Variants in COL15A1 observed in about 807,000 individuals in gnomAD.
The protein encoded by COL15A1 is collagen type XV alpha 1 chain.
A neutral mutation model predicts 165.9 loss-of-function variants in COL15A1; 111 were observed. That is an observed-to-expected ratio of 0.67 (90% CI 0.57 to 0.78). The LOEUF (loss-of-function observed/expected upper bound fraction) is 0.78. Ranked by LOEUF, COL15A1 falls within the 30% of genes least tolerant of loss-of-function variation. The probability of loss-of-function intolerance (pLI) is 0.00; values close to 1 mark genes in which losing one functional copy is unlikely to be tolerated. For missense variants in COL15A1, 1,745 were observed against 1,789.7 expected, an observed-to-expected ratio of 0.98 and a Z score of 0.45; for synonymous variants, 659 against 674.8, an observed-to-expected ratio of 0.98 and a Z score of 0.36.
intron 27 of COL15A1, 21 bp downstream of exon 27, chr9:99,047,860 G>A (rs1467793096): frequency 6.2e-7 from 1 of 1,613,920 alleles, no homozygotes; most frequent in East Asian, 2.2e-5. Flanking sequence ...GTGTTCATTG[G>A]ACAGGCTGGA....
chr9:98,959,724 T>C (rs1004773845), intron 2 of COL15A1, among the ~76,000 whole-genome samples: 2 of 152,234 alleles, frequency 1.3e-5, no homozygotes. Flanking sequence ...AGCAGCTCCC[T>C]GGCCAGCAGG....
intron 2 of COL15A1, among the ~76,000 whole-genome samples, chr9:98,970,042 T>TA (rs1838020832): frequency 3.4e-5 from 4 of 117,458 alleles, no homozygotes; most frequent in African/African-American, 1.4e-4. Context: ...CATTAGTAGT[T>TA]TAAAAAAAAA....
chr9:98,950,439 T>C (rs1837660982), intron 2 of COL15A1, among the ~76,000 whole-genome samples: 1 of 151,990 alleles, frequency 6.6e-6, no homozygotes, highest in South Asian at 2.1e-4. Context: ...CTTTCTTTTT[T>C]CTTTCTCCTT....
At chr9:99,032,890 C>T (rs1391184072) in intron 16 of COL15A1, among the ~76,000 whole-genome samples, 1 of 152,184 alleles carries the variant, frequency 6.6e-6, no homozygotes, top group Non-Finnish European at 1.5e-5. Context: ...TTTATCATAA[C>T]CACTGTTTTT....
intron 35 of COL15A1, among the ~76,000 whole-genome samples, chr9:99,059,109 AC>A (rs1825771297): frequency 6.6e-6 from 1 of 152,122 alleles, no homozygotes. Context: ...TCAAGGATAT[AC>A]CTCCAGGATT....
chr9:99,022,009 G>A, intron 12 of COL15A1, 82 bp from the exon 13 acceptor site: 1 of 1,573,226 alleles, frequency 6.4e-7, no homozygotes, highest in South Asian at 1.1e-5. Context: ...TGATTTTAAA[G>A]ATGAGCACGA....
At chr9:99,066,789 G>A (rs4743319) in intron 39 of COL15A1, 93 bp from the exon 40 acceptor site, 2 of 1,180,968 alleles carry the variant, frequency 1.7e-6, no homozygotes, top group Non-Finnish European at 2.4e-6. Flanking sequence ...TCCAGCCTAA[G>A]AAGTCTGGAA....
At position 99,056,898 on chromosome 9, in the gene COL15A1, C is replaced by T. The variant is rs531659988; in HGVS notation, c.3337+494C>T. Among the ~76,000 whole-genome samples, 295 of 152,298 alleles carry T rather than the reference C, an allele frequency of 1.9e-3. 2 individuals are homozygous for T. The highest frequency in any genetic ancestry group is 0.014 in the Middle Eastern group (4 of 294). ...GCACGGAGTTCATTCCTTACTGTGG[C>T]CAAATAATATTGCATTGTATAGGAT... On this transcript the variant is annotated intron_variant, in intron 35 of 41. Transcript: ENST00000375001.
At chr9:99,064,884 A>G (rs1046891196) in intron 39 of COL15A1, among the ~76,000 whole-genome samples, 3 of 152,230 alleles carry the variant, frequency 2.0e-5, no homozygotes, top group African/African-American at 7.2e-5. Context: ...GATTTTTTAA[A>G]TGGTATTTTA....
rs117274460 is a variant in COL15A1 at position 99,037,224 on chromosome 9, T to C, written c.2409+828T>C. ...TGGTACAGCAAGTGGCCTATTTACA[T>C]GTCTGACTCCTCCACCTGCCCTCTG... On this transcript the variant is annotated intron_variant, in intron 21 of 41. Transcript: ENST00000375001. 1.3e-3 allele frequency among the ~76,000 whole-genome samples: 205 copies of C among 152,336 alleles called. 1 individual carries two copies. The East Asian group carries it at 0.036, about 27-fold the overall frequency.
In COL15A1 at chr9:99,035,337, G is replaced by T. The variant is rs998907212; in HGVS notation, c.2221-13G>T. Reference sequence around the variant, plus strand: ...AACTGGATCTGAAATTCTCATTCTTGCTCCTTCCCCAGGATACCGAAGGCT... The same window carrying T: ...AACTGGATCTGAAATTCTCATTCTTTCTCCTTCCCCAGGATACCGAAGGCT... On this transcript the variant is annotated splice_polypyrimidine_tract_variant and intron_variant, in intron 18 of 41. Coordinates refer to ENST00000375001, the MANE Select transcript of COL15A1 (RefSeq NM_001855.5). 9.9e-6 allele frequency: 16 copies of T among 1,614,122 alleles called. No individual in the cohort carries two copies. The highest frequency in any genetic ancestry group is 1.4e-5 in the Non-Finnish European group (16 of 1,180,024).
chr9:99,034,468 C>T, intron 16 of COL15A1, 81 bp from the exon 17 acceptor site: 3 of 1,516,824 alleles, frequency 2.0e-6, no homozygotes, highest in Non-Finnish European at 2.7e-6. Context: ...TCCTTGGAGT[C>T]CATAATTGTG....
At chr9:99,003,331 T>C in intron 7 of COL15A1, 122 bp from the exon 8 acceptor site, 1 of 728,788 alleles carries the variant, frequency 1.4e-6, no homozygotes, top group Non-Finnish European at 2.1e-6. Flanking sequence ...TGAAAGTCCT[T>C]GAGAGAAAGA....
chr9:98,991,223 G>C (rs929919770), intron 5 of COL15A1, among the ~76,000 whole-genome samples: 2 of 150,166 alleles, frequency 1.3e-5, no homozygotes, highest in Admixed American at 1.3e-4. Context: ...AGTTGCCGCT[G>C]CTCACTCAGG....
chr9:98,954,745 T>C (rs1189793820), intron 2 of COL15A1, among the ~76,000 whole-genome samples: 1 of 152,226 alleles, frequency 6.6e-6, no homozygotes, highest in Non-Finnish European at 1.5e-5. Context: ...CAGGCAATAA[T>C]AATTTATACT....
intron 28 of COL15A1, 55 bp from the exon 29 acceptor site, chr9:99,049,635 C>T: frequency 6.2e-7 from 1 of 1,604,410 alleles, no homozygotes; most frequent in Middle Eastern, 2.3e-4. Flanking sequence ...CCTGTGGCTG[C>T]CCCTGCATTC....
chr9:98,955,538 A>C (rs968716485), intron 2 of COL15A1, among the ~76,000 whole-genome samples: 2 of 152,244 alleles, frequency 1.3e-5, no homozygotes, highest in Non-Finnish European at 2.9e-5. Flanking sequence ...ACCTTTGACC[A>C]GCAAAGTCTA....
At chr9:99,035,801 C>T (rs1447684716) in intron 19 of COL15A1, among the ~76,000 whole-genome samples, 4 of 152,092 alleles carry the variant, frequency 2.6e-5, no homozygotes, top group Non-Finnish European at 5.9e-5. Flanking sequence ...AGGTGCCCCT[C>T]CCTACTGCCT....
chr9:98,968,300 G>A (rs1003270642), intron 2 of COL15A1, among the ~76,000 whole-genome samples: 4 of 152,318 alleles, frequency 2.6e-5, no homozygotes, highest in South Asian at 2.1e-4. Context: ...GGTAACAAAC[G>A]ACCACAAACT....
Sources: gnomAD v4.1 joint callset for allele counts (sites outside exome capture counted in the v4.1 genomes callset) on GRCh38, gnomAD v4.1.1 for gene constraint, MANE v1.5 for transcripts, NCBI Gene and HGNC (gene_info 2026-07-23, HGNC 2026-07-21) for gene names.